Variants in KAZN observed in about 807,000 individuals in gnomAD.
The protein encoded by KAZN is kazrin.
In KAZN, 40 loss-of-function variants were observed where a neutral mutation model predicts 87.4. The ratio of observed to expected loss-of-function variants is 0.46; its 90% CI spans 0.36 to 0.60. KAZN has a LOEUF of 0.60. KAZN is among the 20% of genes least tolerant of loss of function. The pLI, the probability that KAZN is intolerant of heterozygous loss-of-function variation, is 0.00. For missense variants in KAZN, 898 were observed against 1,073.9 expected, an observed-to-expected ratio of 0.84 and a Z score of 2.29; for synonymous variants, 466 against 458.3, an observed-to-expected ratio of 1.02 and a Z score of -0.22.
At chr1:14,702,326 C>CTGTGTGTGTGTG (rs3222186) in intron 1 of KAZN, among the ~76,000 whole-genome samples, 18,995 of 133,006 alleles carry the variant, frequency 0.14, 1,646 homozygotes, top group East Asian at 0.24. Flanking sequence ...TTTTGCAAAA[C>CTGTGTGTGTGTG]TGTGTGTGTG....
chr1:14,377,558 G>A (rs1004595787), intron 2 of KAZN, among the ~76,000 whole-genome samples: 3 of 152,174 alleles, frequency 2.0e-5, no homozygotes, highest in Admixed American at 6.5e-5. Context: ...GGGCCAGGTC[G>A]CTGGCAGTAG....
At chr1:14,557,427 A>T (rs1306953373) in intron 2 of KAZN, among the ~76,000 whole-genome samples, 3 of 152,208 alleles carry the variant, frequency 2.0e-5, no homozygotes, top group Non-Finnish European at 4.4e-5. Context: ...CCAGATACAT[A>T]AATGAGAGAA....
chr1:14,318,987 GCCTGTTTCTGTTGA>G (rs1272571811), intron 2 of KAZN, among the ~76,000 whole-genome samples: 6 of 150,180 alleles, frequency 4.0e-5, no homozygotes, highest in Middle Eastern at 3.5e-3. Flanking sequence ...TACTGTCTGG[GCCTGTTTCTGTTGA>G]CCTTTTATTT....
intron 1 of KAZN, among the ~76,000 whole-genome samples, chr1:14,089,676 A>C (rs1643931004): frequency 6.6e-6 from 1 of 152,152 alleles, no homozygotes; most frequent in Non-Finnish European, 1.5e-5. Flanking sequence ...TTATCTCTTA[A>C]AAATATTTAC....
At chr1:14,593,319 C>T (rs998724209) in intron 2 of KAZN, among the ~76,000 whole-genome samples, 1 of 152,188 alleles carries the variant, frequency 6.6e-6, no homozygotes, top group Non-Finnish European at 1.5e-5. Context: ...ACCACAAACT[C>T]TTTGGAGAAG....
intron 1 of KAZN, among the ~76,000 whole-genome samples, chr1:14,111,477 C>T (rs898175816): frequency 7.4e-6 from 1 of 135,414 alleles, no homozygotes; most frequent in South Asian, 2.4e-4. Context: ...TGAGTACTAA[C>T]GTCAGGCCCA....
In KAZN at chr1:14,605,304, A is replaced by G. The variant is rs568835575; in HGVS notation, c.226+6081A>G. ...TTACAATATATCAACTTCCCTGGCAAGCGCTTAACATGCATTATTGAATCC... is the reference window on the plus strand; with the variant it reads ...TTACAATATATCAACTTCCCTGGCAGGCGCTTAACATGCATTATTGAATCC... On this transcript the variant is annotated intron_variant, in intron 1 of 14. Transcript: ENST00000376030. Among the ~76,000 whole-genome samples the G allele has an allele frequency of 2.0e-5, 3 of 152,290 alleles. No individual in the cohort carries two copies. The South Asian group carries it at 6.2e-4, about 32-fold the overall frequency.
At chr1:14,366,636 C>T (rs1375868684) in intron 2 of KAZN, among the ~76,000 whole-genome samples, 1 of 152,184 alleles carries the variant, frequency 6.6e-6, no homozygotes, top group East Asian at 1.9e-4. Flanking sequence ...CTTTTGTGTG[C>T]CAGCGGGAAG....
At chr1:13,914,310 C>T (rs1639760449) in intron 1 of KAZN, among the ~76,000 whole-genome samples, 1 of 152,226 alleles carries the variant, frequency 6.6e-6, no homozygotes, top group South Asian at 2.1e-4. Flanking sequence ...GTTCATTTAG[C>T]CCCCTGAGCA....
At position 15,114,532 on chromosome 1, in the gene KAZN, A is replaced by G. The variant is rs1641771250; in HGVS notation, c.2225A>G (p.Tyr742Cys). 6.2e-7 allele frequency: 1 copy of G among 1,611,924 alleles called. No individual in the cohort carries two copies. Among genetic ancestry groups the G allele is most frequent in the East Asian group, 2.2e-5 (1 of 44,822 alleles). Residue 742 changes from tyrosine (Y) to cysteine (C), a missense_variant, in exon 15 of 15, where the codon TAT (tyrosine) becomes TGT (cysteine). Physicochemically the swap from Tyr to Cys is radical, Grantham distance 194. Around this residue, in one of 3 missense-constraint regions of KAZN, gnomAD observed 127 missense variants for 121.5 expected, o/e 1.04. Transcript: ENST00000376030. ...SSKDPDFHDD[Y>C]GSLQNEDCGD... is the part of the protein sequence containing the mutation. ...AAAGATCCCGATTTCCATGATGACTATGGCTCTCTTCAAAACGAAGATTGC... is the reference window on the plus strand; with the variant it reads ...AAAGATCCCGATTTCCATGATGACTGTGGCTCTCTTCAAAACGAAGATTGC...
At chr1:14,713,340 T>C (rs1019487504) in intron 1 of KAZN, among the ~76,000 whole-genome samples, 2 of 152,210 alleles carry the variant, frequency 1.3e-5, no homozygotes, top group African/African-American at 4.8e-5. Flanking sequence ...GGGGGCCTTT[T>C]GCAATGCTCC....
chr1:14,363,036 C>T (rs550888074), intron 2 of KAZN, among the ~76,000 whole-genome samples: 2 of 152,270 alleles, frequency 1.3e-5, no homozygotes, highest in African/African-American at 4.8e-5. Flanking sequence ...TATGAAGAAG[C>T]AGCTGCCTTA....
At chr1:14,518,430 G>C (rs1053027184) in intron 2 of KAZN, among the ~76,000 whole-genome samples, 6 of 152,112 alleles carry the variant, frequency 3.9e-5, no homozygotes, top group Admixed American at 3.9e-4. Flanking sequence ...GCCCGCCTCA[G>C]CCTCCCAAAG....
chr1:14,901,460 G>A (rs1557602847), intron 1 of KAZN, among the ~76,000 whole-genome samples: 1 of 152,130 alleles, frequency 6.6e-6, no homozygotes, highest in East Asian at 1.9e-4. Flanking sequence ...GAAGCCAGTG[G>A]AGGACCCCAG....
intron 1 of KAZN, among the ~76,000 whole-genome samples, chr1:14,752,931 A>G (rs984145478): frequency 2.6e-5 from 4 of 152,228 alleles, no homozygotes; most frequent in Non-Finnish European, 4.4e-5. Flanking sequence ...TGGACCACTC[A>G]GAGGTAACCA....
intron 2 of KAZN, among the ~76,000 whole-genome samples, chr1:14,401,932 A>C (rs1663443302): frequency 1.3e-5 from 2 of 152,118 alleles, no homozygotes; most frequent in Admixed American, 6.5e-5. Context: ...TTTCCAGTAA[A>C]GTTCAAAAGA....
At chr1:13,923,181 C>A (rs72639066) in intron 1 of KAZN, among the ~76,000 whole-genome samples, 24,146 of 152,114 alleles carry the variant, frequency 0.16, 2,032 homozygotes, top group Non-Finnish European at 0.19. Context: ...TATACACAAT[C>A]AATTAGCACA....
chr1:14,574,835 T>C (rs1389567885), intron 2 of KAZN, among the ~76,000 whole-genome samples: 8 of 151,954 alleles, frequency 5.3e-5, no homozygotes, highest in African/African-American at 1.9e-4. Flanking sequence ...AGAGGAAGTG[T>C]GGTGGTGGAA....
At chr1:13,911,142 G>T (rs12753771) in intron 1 of KAZN, among the ~76,000 whole-genome samples, 2 of 151,984 alleles carry the variant, frequency 1.3e-5, no homozygotes, top group Non-Finnish European at 2.9e-5. Flanking sequence ...TCCACCTCCC[G>T]GGTTCAAGCA....
Sources: allele counts gnomAD v4.1 joint callset (sites outside exome capture counted in the v4.1 genomes callset), GRCh38; gene constraint gnomAD v4.1.1; regional missense constraint gnomAD v4.1.1; transcripts MANE v1.5; gene names NCBI Gene and HGNC (gene_info 2026-07-23, HGNC 2026-07-21).